Variants in PFDN2 observed in about 807,000 individuals in gnomAD.
PFDN2 encodes prefoldin subunit 2, also known as prefoldin 2.
A neutral mutation model predicts 18.3 loss-of-function variants in PFDN2; 7 were observed. The ratio of observed to expected loss-of-function variants is 0.38; its 90% CI spans 0.22 to 0.72. PFDN2 has a LOEUF of 0.72. PFDN2 is among the 30% of genes least tolerant of loss of function. The probability of loss-of-function intolerance (pLI) is 0.47; values close to 1 mark genes in which losing one functional copy is unlikely to be tolerated. For synonymous variants in PFDN2, 76 were observed against 75.0 expected (o/e 1.01, Z -0.07); for missense variants, 181 against 199.1 (o/e 0.91, Z 0.55).
chr1:161,111,057 G>T (rs1299091977), intron 1 of PFDN2, among the ~76,000 whole-genome samples: 1 of 151,846 alleles, frequency 6.6e-6, no homozygotes, highest in Non-Finnish European at 1.5e-5. Flanking sequence ...AGCCAGGATG[G>T]TCTCAATCTC....
Position 161,118,031 on chromosome 1 carries a change from G to A in PFDN2, c.-5C>T, listed in dbSNP as rs1474536907. On this transcript the variant is annotated 5_prime_UTR_variant, in exon 1 of 4. Coordinates refer to ENST00000368010, the MANE Select transcript of PFDN2 (RefSeq NM_012394.4). The stretch of plus-strand genomic sequence containing the variant: ...GCGACCGCTGTTCTCCGCCATCTTC[G>A]CCGCCTGCTGGGTTTCCGGCCGGCG... 8.7e-6 allele frequency: 14 copies of A among 1,610,534 alleles called. No individual in the cohort carries two copies. Among genetic ancestry groups the A allele is most frequent in the African/African-American group, 5.3e-5 (4 of 74,802 alleles).
chr1:161,105,059 A>G (rs1654651829), intron 1 of PFDN2, among the ~76,000 whole-genome samples: 1 of 152,166 alleles, frequency 6.6e-6, no homozygotes, highest in Admixed American at 6.5e-5. Context: ...AAATAATTCC[A>G]TCTAAAAAAA....
chr1:161,107,813 C>T (rs1001090256), intron 1 of PFDN2, among the ~76,000 whole-genome samples: 6 of 150,632 alleles, frequency 4.0e-5, no homozygotes, highest in African/African-American at 1.5e-4. Flanking sequence ...GAGATTCTGT[C>T]TCAAAAAAAC....
At chr1:161,111,742 C>T (rs1654813682) in intron 1 of PFDN2, among the ~76,000 whole-genome samples, 1 of 152,188 alleles carries the variant, frequency 6.6e-6, no homozygotes, top group East Asian at 1.9e-4. Context: ...GAAAGTTCTT[C>T]CTCTTTCACT....
chr1:161,107,712 G>C (rs2101702829), intron 1 of PFDN2, among the ~76,000 whole-genome samples: 1 of 151,458 alleles, frequency 6.6e-6, no homozygotes, highest in Admixed American at 6.6e-5. Context: ...CAACTTGGGA[G>C]GCTGAGGCAG....
At chr1:161,108,956 GC>G (rs1654744515) in intron 1 of PFDN2, among the ~76,000 whole-genome samples, 1 of 151,950 alleles carries the variant, frequency 6.6e-6, no homozygotes, top group Non-Finnish European at 1.5e-5. Context: ...CTCCTGATTT[GC>G]CCCCTTTAAT....
intron 3 of PFDN2, 143 bp downstream of exon 3, chr1:161,101,905 G>C: frequency 1.3e-6 from 1 of 766,722 alleles, no homozygotes; most frequent in Non-Finnish European, 2.1e-6. Context: ...CTAATCTTTT[G>C]TATTTTTTGT....
intron 1 of PFDN2, among the ~76,000 whole-genome samples, chr1:161,115,835 G>A (rs1654903460): frequency 6.6e-6 from 1 of 152,136 alleles, no homozygotes; most frequent in South Asian, 2.1e-4. Context: ...GGCATCTACT[G>A]GGGTCTTGGA....
chr1:161,114,652 G>C (rs986792353), intron 1 of PFDN2, among the ~76,000 whole-genome samples: 1 of 152,146 alleles, frequency 6.6e-6, no homozygotes, highest in African/African-American at 2.4e-5. Flanking sequence ...TCTAAATTCA[G>C]TGATGAGGTA....
chr1:161,104,477 A>G (rs1654640265), intron 1 of PFDN2, among the ~76,000 whole-genome samples: 1 of 145,884 alleles, frequency 6.9e-6, no homozygotes, highest in Admixed American at 6.9e-5. Flanking sequence ...AAGGTCACAC[A>G]CTGTCACCCA....
chr1:161,117,802 G>C, intron 1 of PFDN2, 150 bp downstream of exon 1: 4 of 700,404 alleles, frequency 5.7e-6, no homozygotes, highest in South Asian at 2.0e-5. Context: ...CTCCGAAGGG[G>C]TTCGGCTAGC....
At chr1:161,111,662 C>T (rs918479772) in intron 1 of PFDN2, among the ~76,000 whole-genome samples, 3 of 151,906 alleles carry the variant, frequency 2.0e-5, no homozygotes, top group Non-Finnish European at 2.9e-5. Context: ...TGTAGATCTT[C>T]GACTCCCCTT....
intron 1 of PFDN2, 42 bp from the exon 2 acceptor site, chr1:161,102,417 A>G: frequency 6.7e-7 from 1 of 1,494,476 alleles, no homozygotes; most frequent in South Asian, 1.1e-5. Context: ...GATAGTGGAA[A>G]TGGCAGAGGG....
At chr1:161,117,770 T>G (rs1159568980) in intron 1 of PFDN2, among the ~76,000 whole-genome samples, 182 bp downstream of exon 1, 1 of 152,182 alleles carries the variant, frequency 6.6e-6, no homozygotes, top group Non-Finnish European at 1.5e-5. Context: ...GGCGTGGCTC[T>G]CACCTACCCA....
chr1:161,116,211 G>A (rs1246468232), intron 1 of PFDN2, among the ~76,000 whole-genome samples: 1 of 151,640 alleles, frequency 6.6e-6, no homozygotes, highest in Non-Finnish European at 1.5e-5. Flanking sequence ...CCTGAGCAAC[G>A]AAGTGAAACT....
intron 1 of PFDN2, among the ~76,000 whole-genome samples, chr1:161,105,991 TC>T (rs1326576326): frequency 6.6e-6 from 1 of 152,136 alleles, no homozygotes; most frequent in Non-Finnish European, 1.5e-5. Flanking sequence ...TGAAATATAA[TC>T]CCCAACTTTG....
At chr1:161,109,382 GTTAC>G (rs1654751250) in intron 1 of PFDN2, among the ~76,000 whole-genome samples, 1 of 152,148 alleles carries the variant, frequency 6.6e-6, no homozygotes, top group Non-Finnish European at 1.5e-5. Context: ...ATGCATATTA[GTTAC>G]TTAAATAATT....
intron 1 of PFDN2, among the ~76,000 whole-genome samples, chr1:161,113,188 A>C (rs1654842646): frequency 6.6e-6 from 1 of 152,166 alleles, no homozygotes; most frequent in Non-Finnish European, 1.5e-5. Flanking sequence ...ATTCTTTGGC[A>C]TGCACTCAAA....
chr1:161,117,913 C>G, intron 1 of PFDN2, 39 bp downstream of exon 1: 14 of 1,553,548 alleles, frequency 9.0e-6, no homozygotes, highest in Non-Finnish European at 1.2e-5. Context: ...GTATTCCAGA[C>G]CCAGGTGGGT....
Sources: gnomAD v4.1 joint callset for allele counts (sites outside exome capture counted in the v4.1 genomes callset) on GRCh38, gnomAD v4.1.1 for gene constraint, MANE v1.5 for transcripts, NCBI Gene and HGNC (gene_info 2026-07-23, HGNC 2026-07-21) for gene names.